The following ANXA6 variants were observed in gnomAD, a reference collection of about 807,000 sequenced individuals.
The protein encoded by ANXA6 is annexin A6.
A neutral mutation model predicts 95.4 loss-of-function variants in ANXA6; 71 were observed. That is an observed-to-expected ratio of 0.74 (90% CI 0.61 to 0.91). The LOEUF (loss-of-function observed/expected upper bound fraction) is 0.91. Among genes scored for constraint, ANXA6 ranks in the 40% least tolerant of loss-of-function variants. ANXA6 has a pLI of 0.00. For synonymous variants in ANXA6, 289 were observed against 315.9 expected, an observed-to-expected ratio of 0.91 and a Z score of 0.90; for missense variants, 830 against 876.4, an observed-to-expected ratio of 0.95 and a Z score of 0.67.
chr5:151,139,404 G>A lies in ANXA6; in HGVS notation c.153C>T (p.Ser51=), dbSNP rs1278696057. The A allele has an allele frequency of 6.2e-7, 1 of 1,613,664 alleles. No homozygotes were observed. The part of the protein sequence containing the change: ...EAILDIITSR[S]NRQRQEVCQS... ...GGCAGACCTCCTGCCTCTGCCTGTT[G>A]CTCCGTGAGGTGATTATGTCCAGTA... Residue 51 remains serine, a synonymous_variant, in exon 4 of 26, where the codon AGC becomes AGT. Coordinates refer to ENST00000354546, the MANE Select transcript of ANXA6 (RefSeq NM_001155.5).
At position 151,137,244 on chromosome 5, in the gene ANXA6, T is replaced by A. The variant is rs772615670; in HGVS notation, c.396A>T (p.Ala132=). 5 of 1,613,506 alleles carry A rather than the reference T, an allele frequency of 3.1e-6. No individual in the cohort carries two copies. The African/African-American group carries it at 6.7e-5, about 22-fold the overall frequency. The change falls in exon 6 of 26, where the codon GCA becomes GCT. Residue 132 remains alanine (A), a synonymous_variant. Coordinates refer to ENST00000354546, the MANE Select transcript of ANXA6 (RefSeq NM_001155.5). The stretch of plus-strand genomic sequence containing the variant: ...TGCCCATCTCACCATCTTTGTATGC[T>A]GCCACCAGCTGGTGCATCTGCTCAT... ...RTNEQMHQLV[A]AYKDAYERDL...
Position 151,131,251 on chromosome 5 carries a change from T to C in ANXA6, c.775A>G (p.Arg259Gly), listed in dbSNP as rs368910003. The change falls in exon 11 of 26, where the codon AGG becomes GGG. Residue 259 changes from arginine to glycine, a missense_variant. Physicochemically the swap from Arg to Gly is moderately radical, Grantham distance 125. Transcript: ENST00000354546. ...CGCACCTTCATAGCCTTGAAGAGCCTTTCAGCAAAATATTCCGGGGTGCTC... is the reference window on the plus strand; with the variant it reads ...CGCACCTTCATAGCCTTGAAGAGCCCTTCAGCAAAATATTCCGGGGTGCTC... ...IRSTPEYFAE[R>G]LFKAMKGLGT... The C allele has an allele frequency of 1.2e-6, 2 of 1,614,002 alleles. No homozygotes were observed. The highest frequency in any genetic ancestry group is 1.7e-6 in the Non-Finnish European group (2 of 1,179,886).
intron 1 of ANXA6, among the ~76,000 whole-genome samples, chr5:151,148,418 G>A (rs979938656): frequency 1.3e-5 from 2 of 152,226 alleles, no homozygotes; most frequent in African/African-American, 4.8e-5. Flanking sequence ...AAGTCAACAA[G>A]GATGGCTTCA....
chr5:151,153,222 C>A (rs1215969458), intron 1 of ANXA6, among the ~76,000 whole-genome samples: 1 of 152,228 alleles, frequency 6.6e-6, no homozygotes. Context: ...TTTAATCCAG[C>A]TTTCCAGAAT....
At position 151,136,238 on chromosome 5, in the gene ANXA6, A is replaced by G; in HGVS notation, c.489+18T>C. ...GCTATCCCAAGCTCCAGAGGAAAAAAATAGGCTGTGAACCAACCTGGAGCA... is the reference window on the plus strand; with the variant it reads ...GCTATCCCAAGCTCCAGAGGAAAAAGATAGGCTGTGAACCAACCTGGAGCA... On this transcript the variant is annotated intron_variant, in intron 7 of 25. Transcript: ENST00000354546. 1 of 1,613,574 alleles carries G rather than the reference A, an allele frequency of 6.2e-7. No homozygotes were observed. Among genetic ancestry groups the G allele is most frequent in the East Asian group, 2.2e-5 (1 of 44,882 alleles).
In ANXA6 at chr5:151,101,012, C is replaced by T. The variant is rs1764532088; in HGVS notation, c.*436G>A. The T allele has an allele frequency of 4.3e-6, 2 of 461,016 alleles. No homozygotes were observed. The highest frequency in any genetic ancestry group is 8.7e-6 in the Non-Finnish European group (2 of 230,352). 28.6% of individuals were successfully genotyped at this position (461,016 alleles called of 1,614,324 possible). On this transcript the variant is annotated 3_prime_UTR_variant, in exon 26 of 26. Transcript: ENST00000354546. Reference sequence around the variant, plus strand: ...GGATGGGAAGATTTGTCAGTTTGCCCCAGCACATTTACTATCCTTCCCACC... The same window carrying T: ...GGATGGGAAGATTTGTCAGTTTGCCTCAGCACATTTACTATCCTTCCCACC...
chr5:151,129,006 A>G (rs1160567939), intron 12 of ANXA6, among the ~76,000 whole-genome samples: 1 of 151,190 alleles, frequency 6.6e-6, no homozygotes, highest in Non-Finnish European at 1.5e-5. Flanking sequence ...ATAAAGCCTC[A>G]GGGGCCGGAT....
intron 23 of ANXA6, 43 bp downstream of exon 23, chr5:151,108,412 G>T: frequency 6.4e-7 from 1 of 1,550,680 alleles, no homozygotes; most frequent in Non-Finnish European, 8.9e-7. Context: ...ATCTGTTCAA[G>T]TTCCCAGTGC....
intron 20 of ANXA6, among the ~76,000 whole-genome samples, chr5:151,116,877 G>C (rs1227271532): frequency 6.6e-6 from 1 of 152,202 alleles, no homozygotes; most frequent in Non-Finnish European, 1.5e-5. Context: ...TAACATGAGG[G>C]CTTTGACCTG....
At position 151,138,664 on chromosome 5, in the gene ANXA6, C is replaced by T. The variant is rs544610392; in HGVS notation, c.318+14G>A. On this transcript the variant is annotated intron_variant, in intron 5 of 25. Transcript: ENST00000354546. ...CATCCCCACCCCAACACCACATACA[C>T]CCCCACTTCTTACCGAGATGGCATC... 2.6e-5 allele frequency: 42 copies of T among 1,590,288 alleles called. No individual in the cohort carries two copies. The South Asian group carries it at 4.2e-4, about 16-fold the overall frequency.
At chr5:151,111,943 C>T (rs1764862422) in intron 20 of ANXA6, among the ~76,000 whole-genome samples, 1 of 152,014 alleles carries the variant, frequency 6.6e-6, no homozygotes, top group South Asian at 2.1e-4. Context: ...TGCATGCCAC[C>T]AGCCCAGTTA....
intron 13 of ANXA6, 73 bp from the exon 14 acceptor site, chr5:151,126,553 C>A (rs200943608): frequency 1.8e-5 from 9 of 487,858 alleles, no homozygotes; most frequent in Non-Finnish European, 3.1e-5. Flanking sequence ...AACACACACA[C>A]ACACACACAC....
chr5:151,152,640 C>T (rs72790154), intron 1 of ANXA6, among the ~76,000 whole-genome samples: 15,866 of 152,242 alleles, frequency 0.1, 1,435 homozygotes, highest in East Asian at 0.44. Flanking sequence ...GTATGACAAT[C>T]CACTGGGGTG....
At chr5:151,117,660 G>T in intron 19 of ANXA6, 98 bp downstream of exon 19, 1 of 1,007,796 alleles carries the variant, frequency 9.9e-7, no homozygotes, top group Non-Finnish European at 1.5e-6. Flanking sequence ...CATCAGGAGT[G>T]CACTTCTAAC....
rs529895183 is a variant in ANXA6 at position 151,124,476 on chromosome 5, C to T, written c.1057-109G>A. The T allele has an allele frequency of 6.2e-5, 64 of 1,028,430 alleles. 1 individual carries two copies. The South Asian group carries it at 6.9e-4, about 11-fold the overall frequency. The allele number at this position is 1,028,430 out of a possible 1,614,324, so 63.7% of individuals were successfully genotyped here. On this transcript the variant is annotated intron_variant, in intron 14 of 25. Coordinates refer to ENST00000354546, the MANE Select transcript of ANXA6 (RefSeq NM_001155.5). ...GCTCACCCCATGAGCCCAAACCAAG[C>T]GGCGTGGGTGGGGAAAGAGGCAGAG... is the stretch of plus-strand genomic sequence containing the variant.
chr5:151,107,377 TAGTG>T (rs1274112029), intron 23 of ANXA6, among the ~76,000 whole-genome samples: 7 of 152,176 alleles, frequency 4.6e-5, no homozygotes, highest in Non-Finnish European at 4.4e-5. Flanking sequence ...CAAGGACATA[TAGTG>T]AGTAAGTGGC....
intron 20 of ANXA6, among the ~76,000 whole-genome samples, chr5:151,116,559 G>T (rs1377148431): frequency 6.6e-6 from 1 of 152,220 alleles, no homozygotes; most frequent in African/African-American, 2.4e-5. Context: ...GACTCCTAGA[G>T]AACCCTTTTC....
At chr5:151,139,286 G>T (rs938777308) in intron 4 of ANXA6, 67 bp downstream of exon 4, 25 of 1,178,904 alleles carry the variant, frequency 2.1e-5, no homozygotes, top group Middle Eastern at 4.0e-4. Context: ...TAACCTGAAC[G>T]AGCACACAGG....
At chr5:151,143,680 C>T (rs1561584608) in intron 2 of ANXA6, among the ~76,000 whole-genome samples, 1 of 152,048 alleles carries the variant, frequency 6.6e-6, no homozygotes. Flanking sequence ...TTCGAAGTTC[C>T]GGGAGGGCAG....
Sources: gnomAD v4.1 joint callset for allele counts (sites outside exome capture counted in the v4.1 genomes callset) on GRCh38, gnomAD v4.1.1 for gene constraint, MANE v1.5 for transcripts, NCBI Gene and HGNC (gene_info 2026-07-23, HGNC 2026-07-21) for gene names.